Variants in UGGT2 observed in about 807,000 individuals in gnomAD.
UGGT2 encodes UDP-glucose:glycoprotein glucosyltransferase 2.
A neutral mutation model predicts 192.1 loss-of-function variants in UGGT2; 180 were observed. The observed-to-expected ratio is 0.94, with a 90% CI of 0.83 to 1.06. The LOEUF is 1.06. Among genes scored for constraint, UGGT2 ranks in the 50% least tolerant of loss-of-function variants. The probability of loss-of-function intolerance (pLI) is 0.00; values close to 1 mark genes in which losing one functional copy is unlikely to be tolerated. For missense variants in UGGT2, 1,849 were observed against 1,795.7 expected, an observed-to-expected ratio of 1.03 and a Z score of -0.54; for synonymous variants, 580 against 591.0, an observed-to-expected ratio of 0.98 and a Z score of 0.27.
chr13:96,003,017 C>T (rs941306726), intron 5 of UGGT2, among the ~76,000 whole-genome samples: 1 of 152,134 alleles, frequency 6.6e-6, no homozygotes, highest in African/African-American at 2.4e-5. Flanking sequence ...AGTTCCTTAG[C>T]TGCGGTGCAA....
intron 3 of UGGT2, 73 bp downstream of exon 3, chr13:96,023,556 T>C: frequency 2.8e-6 from 4 of 1,438,558 alleles, no homozygotes; most frequent in Non-Finnish European, 3.7e-6. Flanking sequence ...ACTAAAGATG[T>C]TCATATTAAA....
chr13:95,907,797 C>A (rs902088520), intron 20 of UGGT2, among the ~76,000 whole-genome samples: 1 of 152,150 alleles, frequency 6.6e-6, no homozygotes, highest in Non-Finnish European at 1.5e-5. Flanking sequence ...GGAGAAAGTA[C>A]AACAGAAAAG....
At position 95,817,650 on chromosome 13, in the gene UGGT2, G is replaced by A. The variant is rs532241952; in HGVS notation, c.4528+15277C>T. ...TAAAAAATATATACCTAAAACTTAC[G>A]AATGTTGAAAATAAAAGGCTGAAGA... On this transcript the variant is annotated intron_variant, in intron 38 of 38. Coordinates refer to ENST00000376747, the MANE Select transcript of UGGT2 (RefSeq NM_020121.4). Among the ~76,000 whole-genome samples the A allele has an allele frequency of 5.9e-5, 9 of 152,130 alleles. No homozygotes were observed. In the South Asian group the frequency reaches 1.0e-3, roughly 18 times the overall value.
At chr13:96,019,796 A>T (rs915093621) in intron 4 of UGGT2, among the ~76,000 whole-genome samples, 2 of 152,234 alleles carry the variant, frequency 1.3e-5, no homozygotes, top group Admixed American at 1.3e-4. Context: ...GATTTTGTTC[A>T]GGGAGAGGAT....
At chr13:95,981,857 TC>T (rs995850409) in intron 10 of UGGT2, among the ~76,000 whole-genome samples, 2 of 152,174 alleles carry the variant, frequency 1.3e-5, no homozygotes, top group Non-Finnish European at 2.9e-5. Flanking sequence ...TAATTACTTC[TC>T]CCACATCTCA....
intron 10 of UGGT2, among the ~76,000 whole-genome samples, chr13:95,983,183 G>A (rs1387609708): frequency 6.6e-6 from 1 of 152,140 alleles, no homozygotes; most frequent in African/African-American, 2.4e-5. Flanking sequence ...GGATAAATGT[G>A]GTTGGTACCA....
intron 20 of UGGT2, among the ~76,000 whole-genome samples, chr13:95,913,051 T>C (rs1049248968): frequency 6.6e-5 from 10 of 151,774 alleles, no homozygotes; most frequent in Non-Finnish European, 8.8e-5. Context: ...AAAGCTGAAA[T>C]TGGATCCTTT....
At chr13:96,045,343 A>G (rs2053278605) in intron 1 of UGGT2, among the ~76,000 whole-genome samples, 1 of 152,214 alleles carries the variant, frequency 6.6e-6, no homozygotes, top group African/African-American at 2.4e-5. Flanking sequence ...CCTCAATGTA[A>G]TAAAAGCCAT....
intron 1 of UGGT2, among the ~76,000 whole-genome samples, chr13:96,047,746 T>C (rs1378629226): frequency 6.6e-6 from 1 of 152,056 alleles, no homozygotes; most frequent in Non-Finnish European, 1.5e-5. Context: ...AGAAGGCCAT[T>C]ACATAATGGT....
chr13:95,831,567 T>C (rs1468294814), intron 38 of UGGT2, among the ~76,000 whole-genome samples: 1 of 152,178 alleles, frequency 6.6e-6, no homozygotes, highest in Admixed American at 6.6e-5. Context: ...AATAATGCTA[T>C]AATAAACACC....
intron 1 of UGGT2, among the ~76,000 whole-genome samples, chr13:96,047,267 G>A (rs570753405): frequency 4.5e-4 from 69 of 152,274 alleles, no homozygotes; most frequent in African/African-American, 1.5e-3. Flanking sequence ...CCTCTGAGAC[G>A]AAGCTTCCAG....
chr13:95,821,321 T>C (rs775334749), intron 38 of UGGT2, among the ~76,000 whole-genome samples: 18 of 152,198 alleles, frequency 1.2e-4, no homozygotes, highest in Non-Finnish European at 2.1e-4. Context: ...GGTTTTAACT[T>C]GTATTTCCCT....
intron 1 of UGGT2, among the ~76,000 whole-genome samples, chr13:96,048,302 A>AC (rs1311703437): frequency 6.6e-6 from 1 of 152,194 alleles, no homozygotes; most frequent in Non-Finnish European, 1.5e-5. Context: ...CAAAGACACA[A>AC]CATACCAGAA....
At chr13:95,989,469 T>C (rs2140894207) in intron 8 of UGGT2, 2 of 237,264 alleles carry the variant, frequency 8.4e-6, no homozygotes, top group Non-Finnish European at 1.8e-5. Context: ...AAATCAAATT[T>C]TGTTCACAAA....
chr13:95,820,185 G>T (rs78270812), intron 38 of UGGT2, among the ~76,000 whole-genome samples: 1 of 151,770 alleles, frequency 6.6e-6, no homozygotes, highest in African/African-American at 2.4e-5. Context: ...AAGAAACAAA[G>T]ACTTTTTTTT....
Position 95,949,403 on chromosome 13 carries a change from A to G in UGGT2, c.1387T>C (p.Cys463Arg). Residue 463 changes from cysteine (C) to arginine (R), a missense_variant, in exon 13 of 39, where the codon TGC becomes CGC. Transcript: ENST00000376747. Reference sequence around the variant, plus strand: ...AATACTGGCTTCAGAAGTTTCTGGCAACTTGTAGGCCATGTAATATACAAA... The same window carrying G: ...AATACTGGCTTCAGAAGTTTCTGGCGACTTGTAGGCCATGTAATATACAAA... ...DDLYITWPTS[C>R]QKLLKPVFPG... is the part of the protein sequence containing the mutation. The G allele has an allele frequency of 6.3e-7, 1 of 1,586,538 alleles. No homozygotes were observed. The highest frequency in any genetic ancestry group is 8.6e-7 in the Non-Finnish European group (1 of 1,165,130).
intron 12 of UGGT2, among the ~76,000 whole-genome samples, chr13:95,956,083 T>C (rs1045193883): frequency 2.6e-5 from 4 of 152,114 alleles, no homozygotes; most frequent in Admixed American, 6.5e-5. Context: ...GAGCAGGAAA[T>C]AAAATTTAAC....
Position 95,908,928 on chromosome 13 carries a change from C to T in UGGT2, c.2296-5868G>A, listed in dbSNP as rs544052965. On this transcript the variant is annotated intron_variant, in intron 20 of 38. Transcript: ENST00000376747. ...TTCACTCTGATGGTAGTTTCTTTTG[C>T]TGTGCAGAAGCTCTTTAGTTTAATT... Among the ~76,000 whole-genome samples the T allele has an allele frequency of 2.9e-4, 40 of 136,952 alleles. 1 individual carries two copies. The East Asian group carries it at 8.1e-3, about 28-fold the overall frequency. 89.8% of individuals were successfully genotyped at this position (136,952 alleles called of 152,430 possible). A position where few individuals can be genotyped will look rare whatever the true frequency, so the allele number is the denominator to read the frequency against.
intron 33 of UGGT2, 129 bp downstream of exon 33, chr13:95,859,462 A>C (rs1432498841): frequency 1.3e-6 from 1 of 741,746 alleles, no homozygotes; most frequent in Non-Finnish European, 2.2e-6. Flanking sequence ...CTTAAGCTAC[A>C]TAAAAATACT....
Sources: allele counts gnomAD v4.1 joint callset (sites outside exome capture counted in the v4.1 genomes callset), GRCh38; gene constraint gnomAD v4.1.1; transcripts MANE v1.5; gene names NCBI Gene and HGNC (gene_info 2026-07-23, HGNC 2026-07-21).